KARS1: variants seen among roughly 807,000 people sequenced by gnomAD.
KARS1 encodes the protein lysyl-tRNA synthetase 1, also known as lysine--tRNA ligase.
KARS1 carries 50 observed loss-of-function variants against 63.9 expected under a neutral mutation model. The ratio of observed to expected loss-of-function variants is 0.78; its 90% CI spans 0.62 to 0.99. KARS1 has a LOEUF of 0.99. KARS1 is among the 50% of genes least tolerant of loss of function. KARS1 has a pLI of 0.00. For synonymous variants in KARS1, 320 were observed against 264.6 expected, an observed-to-expected ratio of 1.21 and a Z score of -2.03; for missense variants, 816 against 754.5, an observed-to-expected ratio of 1.08 and a Z score of -0.95.
intron 6 of KARS1, 60 bp from the exon 7 acceptor site, chr16:75,634,352 A>G (rs542932941): frequency 1.2e-5 from 19 of 1,565,456 alleles, no homozygotes; most frequent in Non-Finnish European, 1.7e-5. Flanking sequence ...GGGACAGACC[A>G]TGCTTTGCAT....
Position 75,628,731 on chromosome 16 carries a change from C to G in KARS1, c.1552-19G>C. On this transcript the variant is annotated intron_variant, in intron 12 of 13. Coordinates refer to ENST00000302445, the MANE Select transcript of KARS1 (RefSeq NM_005548.3). The stretch of plus-strand genomic sequence containing the variant: ...CCTTGGCCTAGAAGAGGAAAGAGAA[C>G]CAAAAGGTGACCTTCTTCTAAGATA... 1 of 1,614,100 alleles carries G rather than the reference C, an allele frequency of 6.2e-7. No individual in the cohort carries two copies. Among genetic ancestry groups the G allele is most frequent in the South Asian group, 1.1e-5 (1 of 91,084 alleles).
chr16:75,628,058 A>T, intron 13 of KARS1, 65 bp from the exon 14 acceptor site: 1 of 943,584 alleles, frequency 1.1e-6, no homozygotes. Context: ...ACAGCTATCT[A>T]CCCATTCCTC....
chr16:75,645,575 G>A (rs1382857355), intron 1 of KARS1, among the ~76,000 whole-genome samples: 1 of 152,198 alleles, frequency 6.6e-6, no homozygotes, highest in Non-Finnish European at 1.5e-5. Context: ...AGCAGGGAGT[G>A]GTGGCTCACG....
intron 6 of KARS1, 25 bp from the exon 7 acceptor site, chr16:75,634,317 A>G (rs751308806): frequency 2.5e-6 from 4 of 1,613,118 alleles, no homozygotes; most frequent in Non-Finnish European, 2.5e-6. Context: ...GAGAAACATC[A>G]GTCCTTAGAT....
intron 1 of KARS1, among the ~76,000 whole-genome samples, chr16:75,647,255 G>A (rs957862942): frequency 1.3e-5 from 2 of 152,252 alleles, no homozygotes; most frequent in African/African-American, 4.8e-5. Flanking sequence ...TTCTCAGAAA[G>A]GAGGATGAAG....
At chr16:75,644,255 A>G in intron 1 of KARS1, 6 of 1,571,782 alleles carry the variant, frequency 3.8e-6, no homozygotes, top group Non-Finnish European at 5.2e-6. Context: ...TTGCTTCCAG[A>G]GCAATAAAGA....
intron 1 of KARS1, among the ~76,000 whole-genome samples, chr16:75,645,816 C>T (rs1267559534): frequency 7.1e-6 from 1 of 141,274 alleles, no homozygotes; most frequent in Non-Finnish European, 1.5e-5. Context: ...CGCTGCAATC[C>T]AGCCGGGGCA....
chr16:75,636,243 A>G, intron 4 of KARS1, 145 bp from the exon 5 acceptor site: 1 of 708,526 alleles, frequency 1.4e-6, no homozygotes, highest in Non-Finnish European at 2.5e-6. Context: ...CTATTAAAAA[A>G]GGACTATCCT....
intron 9 of KARS1, 50 bp from the exon 10 acceptor site, chr16:75,631,303 TA>T: frequency 6.3e-7 from 1 of 1,587,946 alleles, no homozygotes; most frequent in South Asian, 1.1e-5. Flanking sequence ...ACTAGCCAAG[TA>T]AAAATGTACA....
In KARS1 at chr16:75,631,731, T is replaced by C. The variant is rs974033317; in HGVS notation, c.1040A>G (p.Tyr347Cys). Reference protein sequence around the residue: ...TCEFYMAYADYHDLMEITEKM... With the variant: ...TCEFYMAYADCHDLMEITEKM... ...CTCCGTGATTTCCATGAGATCGTGA[T>C]AGTCTGCATAGGCCATGTAGAACTC... is the stretch of plus-strand genomic sequence containing the variant. The change falls in exon 8 of 14, where the codon TAT (tyrosine) becomes TGT (cysteine). Residue 347 changes from tyrosine to cysteine, a missense_variant. Tyr to Cys is a radical substitution (Grantham distance 194, BLOSUM62 -2). Transcript: ENST00000302445. The C allele has an allele frequency of 2.5e-6, 4 of 1,614,084 alleles. No individual in the cohort carries two copies. Among genetic ancestry groups the C allele is most frequent in the African/African-American group, 1.3e-5 (1 of 74,926 alleles).
At chr16:75,635,509 GCCTT>G (rs1168200572) in intron 6 of KARS1, 167 bp downstream of exon 6, 1 of 756,062 alleles carries the variant, frequency 1.3e-6, no homozygotes, top group African/African-American at 1.7e-5. Flanking sequence ...GTCAGGTCCT[GCCTT>G]CCTAATCAGG....
At chr16:75,640,969 G>A (rs1372281234) in intron 2 of KARS1, among the ~76,000 whole-genome samples, 6 of 152,232 alleles carry the variant, frequency 3.9e-5, no homozygotes, top group African/African-American at 9.6e-5. Context: ...CTGGGAGCCC[G>A]AGGCGGGTGG....
chr16:75,636,882 CA>C (rs2082167790), intron 3 of KARS1, among the ~76,000 whole-genome samples: 1 of 151,748 alleles, frequency 6.6e-6, no homozygotes, highest in Non-Finnish European at 1.5e-5. Context: ...TGAAGTGATC[CA>C]CCCACCTCAG....
chr16:75,641,615 G>GC lies in KARS1; in HGVS notation c.170_171insG (p.Asn57LysfsTer5). On this transcript the variant is annotated frameshift_variant, in exon 2 of 14. Coordinates refer to ENST00000302445, the MANE Select transcript of KARS1 (RefSeq NM_005548.3). LOFTEE classifies it high-confidence loss of function. Reference sequence around the variant, plus strand: ...GACCCACACCATTATCAGTGGTGTGGTTGGTGGCAGCAGCAGTGGCTTGGC... The same window carrying GC: ...GACCCACACCATTATCAGTGGTGTGGCTTGGTGGCAGCAGCAGTGGCTTGGC... 6.2e-7 allele frequency: 1 copy of GC among 1,613,964 alleles called. No individual in the cohort carries two copies. Among genetic ancestry groups the GC allele is most frequent in the Non-Finnish European group, 8.5e-7 (1 of 1,179,996 alleles).
chr16:75,634,829 C>T (rs1182672488), intron 6 of KARS1, among the ~76,000 whole-genome samples: 4 of 152,126 alleles, frequency 2.6e-5, no homozygotes, highest in African/African-American at 9.7e-5. Context: ...CTCACCTCGG[C>T]CTCCCAAAGT....
intron 1 of KARS1, among the ~76,000 whole-genome samples, chr16:75,647,250 A>T (rs1281271388): frequency 1.3e-5 from 2 of 152,248 alleles, no homozygotes; most frequent in Non-Finnish European, 2.9e-5. Flanking sequence ...TGCATTTCTC[A>T]GAAAGGAGGA....
rs759787428 is a variant in KARS1, at chr16:75,641,636, T to C, written c.150A>G (p.Gln50=). 1.9e-6 allele frequency: 3 copies of C among 1,614,046 alleles called. No individual in the cohort carries two copies. Among genetic ancestry groups the C allele is most frequent in the East Asian group, 4.5e-5 (2 of 44,886 alleles). Residue 50 remains glutamine, a synonymous_variant, in exon 2 of 14, where the codon CAA becomes CAG. Transcript: ENST00000302445. ...QKELSEKQLS[Q]ATAAATNHTT... ...TGTGGTTGGTGGCAGCAGCAGTGGC[T>C]TGGCTTAGCTGTTTCTCACTGAGCT...
chr16:75,630,631 T>G (rs2082101508), intron 10 of KARS1, 123 bp from the exon 11 acceptor site: 2 of 282,394 alleles, frequency 7.1e-6, no homozygotes, highest in African/African-American at 1.6e-4. Context: ...TATTTATTTA[T>G]TATTATTATT....
chr16:75,632,927 G>C (rs1372551443), intron 7 of KARS1, among the ~76,000 whole-genome samples: 1 of 152,178 alleles, frequency 6.6e-6, no homozygotes, highest in Admixed American at 6.5e-5. Context: ...ACAGCATTAG[G>C]TCATAGGGTA....
Sources: gnomAD v4.1 joint callset for allele counts (sites outside exome capture counted in the v4.1 genomes callset) on GRCh38, gnomAD v4.1.1 for gene constraint, MANE v1.5 for transcripts, NCBI Gene and HGNC (gene_info 2026-07-23, HGNC 2026-07-21) for gene names.